Variants in ALMS1 observed in about 807,000 individuals in gnomAD.
The protein encoded by ALMS1 is centrosome-associated protein ALMS1.
In ALMS1, 271 loss-of-function variants were observed where a neutral mutation model predicts 352.2. The observed-to-expected ratio is 0.77, with a 90% CI of 0.70 to 0.85. The LOEUF is 0.85. Among genes scored for constraint, ALMS1 ranks in the 40% least tolerant of loss-of-function variants. The probability of loss-of-function intolerance (pLI) is 0.00; values close to 1 mark genes in which losing one functional copy is unlikely to be tolerated. For synonymous variants in ALMS1, 1,865 were observed against 1,761.2 expected (o/e 1.06, Z -1.48); for missense variants, 5,445 against 4,870.7 (o/e 1.12, Z -3.51).
At chr2:73,530,811 T>C (rs1040328288) in intron 11 of ALMS1, among the ~76,000 whole-genome samples, 1 of 152,360 alleles carries the variant, frequency 6.6e-6, no homozygotes, top group East Asian at 1.9e-4. Flanking sequence ...TGTGCATCTG[T>C]AGGCCCAACA....
chr2:73,588,528 T>C (rs1009441663), intron 16 of ALMS1, among the ~76,000 whole-genome samples: 1 of 152,214 alleles, frequency 6.6e-6, no homozygotes, highest in Non-Finnish European at 1.5e-5. Flanking sequence ...TCTTTTTCTT[T>C]CCTGTCTCCC....
At chr2:73,605,846 A>C (rs917028304) in intron 21 of ALMS1, among the ~76,000 whole-genome samples, 15 of 151,424 alleles carry the variant, frequency 9.9e-5, no homozygotes, top group Non-Finnish European at 1.8e-4. Context: ...TCTGTCTCAA[A>C]AAAAAAAAAA....
In ALMS1 at chr2:73,451,803, A is replaced by G. The variant is rs200293447; in HGVS notation, c.5276A>G (p.Tyr1759Cys). The G allele has an allele frequency of 9.3e-5, 150 of 1,613,992 alleles. No individual in the cohort carries two copies. Among genetic ancestry groups the G allele is most frequent in the African/African-American group, 3.2e-4 (24 of 74,912 alleles). Residue 1759 changes from tyrosine to cysteine, a missense_variant, in exon 8 of 23, where the codon TAT (tyrosine) becomes TGT (cysteine). Transcript: ENST00000613296. ...TGLSTVTSSF[Y>C]SHTEKPNISY... is the part of the protein sequence containing the mutation. ...TTATCTACTGTAACTTCCTCTTTCT[A>G]TTCACATACAGAGAAGCCTAATATT... is the stretch of plus-strand genomic sequence containing the variant.
At position 73,579,074 on chromosome 2, in the gene ALMS1, TA is replaced by T. The variant is rs199703363; in HGVS notation, c.11547+5651del. Among the ~76,000 whole-genome samples the T allele has an allele frequency of 1.8e-4, 25 of 137,986 alleles. 3 individuals carry two copies. The highest frequency in any genetic ancestry group is 1.0e-3 in the East Asian group (5 of 5,010). 90.5% of individuals were successfully genotyped at this position (137,986 alleles called of 152,430 possible). On this transcript the variant is annotated intron_variant, in intron 16 of 22. Coordinates refer to ENST00000613296, the MANE Select transcript of ALMS1 (RefSeq NM_001378454.1). ...ATTTCTCCTTTATTCTTTTTTTATTTATTTTTTTTTTTGAGACGGAGTCGTC... is the reference window on the plus strand; with the variant it reads ...ATTTCTCCTTTATTCTTTTTTTATTTTTTTTTTTTTTGAGACGGAGTCGTC...
chr2:73,496,325 A>C (rs1290828059), intron 10 of ALMS1, among the ~76,000 whole-genome samples: 1 of 152,158 alleles, frequency 6.6e-6, no homozygotes, highest in East Asian at 1.9e-4. Flanking sequence ...GTGTCACACA[A>C]ATGGAATCAT....
Position 73,450,922 on chromosome 2 carries a change from G to T in ALMS1, c.4395G>T (p.Thr1465=). ...TTGCTCCTGGACCAGTTGACCAGAC[G>T]ATTGGCACACCAACTGTAACCTCCC... The part of the protein sequence containing the change: ...VSVAPGPVDQ[T]IGTPTVTSPS... Residue 1465 remains threonine (T), a synonymous_variant, in exon 8 of 23, where the codon ACG becomes ACT. Transcript: ENST00000613296. 1.2e-6 allele frequency: 2 copies of T among 1,612,560 alleles called. No individual in the cohort carries two copies. Among genetic ancestry groups the T allele is most frequent in the Non-Finnish European group, 1.7e-6 (2 of 1,179,554 alleles).
intron 16 of ALMS1, among the ~76,000 whole-genome samples, chr2:73,576,741 C>T (rs1675062518): frequency 1.3e-5 from 2 of 151,934 alleles, no homozygotes; most frequent in African/African-American, 2.4e-5. Context: ...CTGCTTCAGC[C>T]TCCCGAGTAG....
At chr2:73,547,214 A>G (rs576185354) in intron 12 of ALMS1, among the ~76,000 whole-genome samples, 14 of 152,346 alleles carry the variant, frequency 9.2e-5, no homozygotes, top group Admixed American at 2.0e-4. Flanking sequence ...GGTTAGGGGC[A>G]TTAAATACAT....
intron 3 of ALMS1, 69 bp from the exon 4 acceptor site, chr2:73,422,788 A>C (rs994672488): frequency 7.8e-7 from 1 of 1,274,356 alleles, no homozygotes; most frequent in East Asian, 2.3e-5. Context: ...GGTGCTTTAA[A>C]GTATTATATA....
Position 73,451,642 on chromosome 2 carries a change from A to C in ALMS1, c.5115A>C (p.Pro1705=). 1 of 1,614,016 alleles carries C rather than the reference A, an allele frequency of 6.2e-7. No individual in the cohort carries two copies. The highest frequency in any genetic ancestry group is 2.2e-5 in the East Asian group (1 of 44,872). Residue 1705 remains proline, a synonymous_variant, in exon 8 of 23, where the codon CCA becomes CCC. Transcript: ENST00000613296. ...PGPDAQKTET[P]SVSSSLYSYR... ...CAGATGCCCAGAAGACTGAGACACC[A>C]TCAGTATCCTCTAGTTTATACTCAT... is the stretch of plus-strand genomic sequence containing the variant.
In ALMS1 at chr2:73,519,956, C is replaced by G. The variant is rs746680944; in HGVS notation, c.9721C>G (p.Pro3241Ala). The part of the protein sequence containing the change: ...EPGNQKLRKA[P>A]VKFASSSSVQ... ...TGGTAACCAGAAGCTACGCAAAGCT[C>G]CTGTCAAGTTTGCCTCATCATCTTC... The change falls in exon 11 of 23, where the codon CCT becomes GCT. Residue 3241 changes from proline (P) to alanine (A), a missense_variant. Pro to Ala is a conservative substitution (Grantham distance 27). Coordinates refer to ENST00000613296, the MANE Select transcript of ALMS1 (RefSeq NM_001378454.1). The G allele has an allele frequency of 5.0e-6, 8 of 1,613,898 alleles. No individual in the cohort carries two copies. Among genetic ancestry groups the G allele is most frequent in the Non-Finnish European group, 6.8e-6 (8 of 1,179,914 alleles).
chr2:73,466,748 A>T (rs995525038), intron 9 of ALMS1, among the ~76,000 whole-genome samples: 2 of 152,184 alleles, frequency 1.3e-5, no homozygotes, highest in Non-Finnish European at 2.9e-5. Flanking sequence ...AGATGTGTTA[A>T]GTATGTGGAT....
chr2:73,571,074 C>T (rs1674916968), intron 15 of ALMS1, among the ~76,000 whole-genome samples: 1 of 152,166 alleles, frequency 6.6e-6, no homozygotes, highest in Non-Finnish European at 1.5e-5. Flanking sequence ...TAAATGAAAT[C>T]TCCCAATTTT....
rs1424855001 is a variant in ALMS1 at position 73,490,981 on chromosome 2, T to A, written c.9022T>A (p.Ser3008Thr). 2 of 1,614,076 alleles carry A rather than the reference T, an allele frequency of 1.2e-6. No individual in the cohort carries two copies. The highest frequency in any genetic ancestry group is 3.3e-5 in the Admixed American group (2 of 60,002). The change falls in exon 10 of 23, where the codon TCT becomes ACT. Residue 3008 changes from serine (S) to threonine (T), a missense_variant. Ser to Thr is a moderately conservative substitution (Grantham distance 58, BLOSUM62 1). Coordinates refer to ENST00000613296, the MANE Select transcript of ALMS1 (RefSeq NM_001378454.1). ...NNQHKPKSHI[S>T]NINVEAKFNT... ...TCAACATAAGCCTAAATCACACATT[T>A]CTAATATAAATGTTGAAGCCAAGTT...
intron 10 of ALMS1, among the ~76,000 whole-genome samples, chr2:73,506,357 G>A (rs1223202578): frequency 6.6e-6 from 1 of 152,048 alleles, no homozygotes; most frequent in African/African-American, 2.4e-5. Flanking sequence ...GGATAGCATT[G>A]AATCTATAAA....
At chr2:73,478,945 T>G (rs1441640403) in intron 9 of ALMS1, among the ~76,000 whole-genome samples, 1 of 152,056 alleles carries the variant, frequency 6.6e-6, no homozygotes, top group Non-Finnish European at 1.5e-5. Flanking sequence ...TGGTGTTTGG[T>G]TTTCTGTTCC....
rs1172172040 is a variant in ALMS1 at position 73,451,967 on chromosome 2, G to T, written c.5440G>T (p.Val1814Phe). Residue 1814 changes from valine (V) to phenylalanine (F), a missense_variant, in exon 8 of 23, where the codon GTT becomes TTT. Coordinates refer to ENST00000613296, the MANE Select transcript of ALMS1 (RefSeq NM_001378454.1). ...CTACTCACACAGAGAGAAGCCCATT[G>T]TTTCCTACCAGCGAGAGTTGCCGCA... The part of the protein sequence containing the change: ...TSYSHREKPI[V>F]SYQRELPHFT... The T allele has an allele frequency of 4.7e-5, 76 of 1,612,926 alleles. No homozygotes were observed. The highest frequency in any genetic ancestry group is 6.4e-5 in the Non-Finnish European group (76 of 1,179,586).
At chr2:73,574,065 A>G (rs531521062) in intron 16 of ALMS1, among the ~76,000 whole-genome samples, 2 of 152,318 alleles carry the variant, frequency 1.3e-5, no homozygotes, top group East Asian at 3.9e-4. Flanking sequence ...GTGTTGCTAG[A>G]ATTTTGTGAT....
chr2:73,591,398 T>C (rs1291654005), intron 16 of ALMS1, among the ~76,000 whole-genome samples: 1 of 152,214 alleles, frequency 6.6e-6, no homozygotes, highest in African/African-American at 2.4e-5. Flanking sequence ...AATAAAGTAA[T>C]GTCAATAAAT....
Sources: allele counts gnomAD v4.1 joint callset (sites outside exome capture counted in the v4.1 genomes callset), GRCh38; gene constraint gnomAD v4.1.1; transcripts MANE v1.5; gene names NCBI Gene and HGNC (gene_info 2026-07-23, HGNC 2026-07-21).